BMPR1A: variants seen among roughly 807,000 people sequenced by gnomAD.
The protein encoded by BMPR1A is bone morphogenetic protein receptor type 1A.
In BMPR1A, 7 loss-of-function variants were observed where a neutral mutation model predicts 66.0. The ratio of observed to expected loss-of-function variants is 0.11; its 90% confidence interval spans 0.06 to 0.20. BMPR1A has a LOEUF of 0.20. Ranked by LOEUF, BMPR1A falls within the 10% of genes least tolerant of loss-of-function variation. BMPR1A has a pLI of 1.00. For synonymous variants in BMPR1A, 200 were observed against 229.7 expected, an observed-to-expected ratio of 0.87 and a Z score of 1.17; for missense variants, 408 against 669.1, an observed-to-expected ratio of 0.61 and a Z score of 4.31.
intron 2 of BMPR1A, among the ~76,000 whole-genome samples, chr10:86,844,098 A>C (rs1004299820): frequency 2.6e-5 from 4 of 152,174 alleles, no homozygotes; most frequent in African/African-American, 4.8e-5. Flanking sequence ...TTCTAAATGT[A>C]GAGAAACATT....
intron 2 of BMPR1A, chr10:86,855,656 G>A: frequency 2.9e-6 from 2 of 687,584 alleles, no homozygotes; most frequent in South Asian, 3.6e-5. Flanking sequence ...TTTCTCCTGA[G>A]TATCTAATTT....
At chr10:86,877,519 T>G (rs1842935709) in intron 3 of BMPR1A, among the ~76,000 whole-genome samples, 1 of 152,340 alleles carries the variant, frequency 6.6e-6, no homozygotes, top group Non-Finnish European at 1.5e-5. Flanking sequence ...TATTTTCATC[T>G]TAAAGCACAA....
At chr10:86,864,150 G>A (rs1303938316) in intron 2 of BMPR1A, among the ~76,000 whole-genome samples, 1 of 152,068 alleles carries the variant, frequency 6.6e-6, no homozygotes, top group Non-Finnish European at 1.5e-5. Context: ...CCTCGCACAA[G>A]GTCTCTTCTT....
intron 1 of BMPR1A, among the ~76,000 whole-genome samples, chr10:86,777,204 A>ATGGG (rs1564680865): frequency 6.6e-6 from 1 of 152,118 alleles, no homozygotes; most frequent in Admixed American, 6.5e-5. Flanking sequence ...GAGAAACCCC[A>ATGGG]GTTTCTCTAT....
intron 1 of BMPR1A, among the ~76,000 whole-genome samples, chr10:86,832,526 T>G (rs1296455101): frequency 6.6e-6 from 1 of 152,168 alleles, no homozygotes; most frequent in African/African-American, 2.4e-5. Flanking sequence ...TTTTTAACTT[T>G]AGTAAATTTT....
downstream of BMPR1A, chr10:86,930,389 C>T (rs546418597): frequency 3.3e-5 from 5 of 152,298 alleles, no homozygotes; most frequent in East Asian, 5.8e-4. Flanking sequence ...AAGCAATTCT[C>T]CTGCCTCAGC....
At chr10:86,759,213 A>G (rs1288367979) in intron 1 of BMPR1A, among the ~76,000 whole-genome samples, 1 of 152,154 alleles carries the variant, frequency 6.6e-6, no homozygotes, top group East Asian at 1.9e-4. Flanking sequence ...CTTTTGTGAC[A>G]TTATACTGAC....
chr10:86,903,516 T>C (rs930417380), intron 7 of BMPR1A, among the ~76,000 whole-genome samples: 16 of 152,020 alleles, frequency 1.1e-4, no homozygotes, highest in African/African-American at 3.9e-4. Flanking sequence ...AATATAGATA[T>C]AATTGGAGTT....
chr10:86,927,794 A>G lies in BMPR1A; in HGVS notation c.*4075A>G. On this transcript the variant is annotated 3_prime_UTR_variant, in exon 13 of 13. Coordinates refer to ENST00000372037, the MANE Select transcript of BMPR1A (RefSeq NM_004329.3). ...AAGGGTAAAAGCAAGCAGTTTTATC[A>G]GGCAGTTGTAAAACACCAAAAATAT... The G allele has an allele frequency of 5.0e-6, 1 of 200,526 alleles. No homozygotes were observed. Among genetic ancestry groups the G allele is most frequent in the Non-Finnish European group, 1.0e-5 (1 of 97,360 alleles). 12.4% of individuals were successfully genotyped at this position (200,526 alleles called of 1,614,324 possible). A position where few individuals can be genotyped will look rare whatever the true frequency, so the allele number is the denominator to read the frequency against.
intron 3 of BMPR1A, among the ~76,000 whole-genome samples, chr10:86,882,297 C>T (rs1319695348): frequency 6.6e-6 from 1 of 151,666 alleles, no homozygotes; most frequent in Admixed American, 6.6e-5. Context: ...GTGGCATGTG[C>T]CTGTAGTCAC....
At position 86,855,206 on chromosome 10, in the gene BMPR1A, G is replaced by A. The variant is rs1188477847; in HGVS notation, c.-153+16227G>A. On this transcript the variant is annotated intron_variant, in intron 2 of 12. Coordinates refer to ENST00000372037, the MANE Select transcript of BMPR1A (RefSeq NM_004329.3). The stretch of plus-strand genomic sequence containing the variant: ...GGCGTGAGCCACCACACCCTGCGTC[G>A]CTAAGTTTTTTAACCAGAGAGGCTT... 18 of 771,672 alleles carry A rather than the reference G, an allele frequency of 2.3e-5. No individual in the cohort carries two copies. The South Asian group carries it at 3.0e-4, about 13-fold the overall frequency. 47.8% of individuals were successfully genotyped at this position (771,672 alleles called of 1,614,324 possible).
At chr10:86,845,704 A>T (rs993945197) in intron 2 of BMPR1A, among the ~76,000 whole-genome samples, 1 of 152,174 alleles carries the variant, frequency 6.6e-6, no homozygotes, top group East Asian at 1.9e-4. Flanking sequence ...TATGATCACT[A>T]AAAGAAATAT....
At chr10:86,867,691 A>G (rs1842803365) in intron 2 of BMPR1A, among the ~76,000 whole-genome samples, 1 of 152,238 alleles carries the variant, frequency 6.6e-6, no homozygotes, top group South Asian at 2.1e-4. Flanking sequence ...TTTTGAAAAC[A>G]GATTATCTAT....
At chr10:86,764,574 G>C (rs989165738) in intron 1 of BMPR1A, among the ~76,000 whole-genome samples, 2 of 152,146 alleles carry the variant, frequency 1.3e-5, no homozygotes, top group African/African-American at 4.8e-5. Flanking sequence ...ATTTTTCCCT[G>C]TTTTCTTATT....
chr10:86,879,034 A>T (rs532389542), intron 3 of BMPR1A, among the ~76,000 whole-genome samples: 16 of 152,248 alleles, frequency 1.1e-4, no homozygotes, highest in East Asian at 7.7e-4. Flanking sequence ...TATTTTTTTA[A>T]AAAAAAGTTT....
chr10:86,813,758 G>T (rs1842000035), intron 1 of BMPR1A, among the ~76,000 whole-genome samples: 1 of 152,096 alleles, frequency 6.6e-6, no homozygotes, highest in African/African-American at 2.4e-5. Flanking sequence ...TCCCTGTGTA[G>T]TCGACAGGTA....
At chr10:86,856,164 G>T (rs1001887742) in intron 2 of BMPR1A, 16 of 529,038 alleles carry the variant, frequency 3.0e-5, no homozygotes, top group Non-Finnish European at 5.3e-5. Flanking sequence ...GTGACATAAA[G>T]GATAACCACA....
intron 1 of BMPR1A, among the ~76,000 whole-genome samples, chr10:86,790,367 G>T (rs897817213): frequency 6.6e-6 from 1 of 150,994 alleles, no homozygotes; most frequent in African/African-American, 2.4e-5. Context: ...ATATAAAATC[G>T]TGCAGCTGGT....
intron 4 of BMPR1A, 47 bp downstream of exon 4, chr10:86,890,271 G>T: frequency 6.3e-7 from 1 of 1,598,852 alleles, no homozygotes; most frequent in Non-Finnish European, 8.6e-7. Context: ...GAATAGAGTT[G>T]CATTTAGTGC....
Sources: gnomAD v4.1 joint callset for allele counts (sites outside exome capture counted in the v4.1 genomes callset) on GRCh38, gnomAD v4.1.1 for gene constraint, MANE v1.5 for transcripts, NCBI Gene and HGNC (gene_info 2026-07-23, HGNC 2026-07-21) for gene names.